The following CERT1 variants were observed in gnomAD, a reference collection of about 807,000 sequenced individuals.
The protein encoded by CERT1 is ceramide transfer protein.
In CERT1, 31 loss-of-function variants were observed where a neutral mutation model predicts 87.9. That is an observed-to-expected ratio of 0.35 (90% confidence interval 0.27 to 0.48). The LOEUF (loss-of-function observed/expected upper bound fraction) is 0.48, where lower values mean the gene tolerates loss of function less well. Ranked by LOEUF, CERT1 falls within the 20% of genes least tolerant of loss-of-function variation. CERT1 has a pLI of 0.99. For missense variants in CERT1, 487 were observed against 758.0 expected (o/e 0.64, Z 4.20); for synonymous variants, 289 against 250.9 (o/e 1.15, Z -1.44).
At chr5:75,386,192 G>A in intron 12 of CERT1, 158 bp from the exon 13 acceptor site, 1 of 497,424 alleles carries the variant, frequency 2.0e-6, no homozygotes, top group Non-Finnish European at 3.2e-6. Context: ...CAAATTAACA[G>A]ACAAAAAAGT....
In CERT1 at chr5:75,434,517, G is replaced by GGA. The variant is rs36104420; in HGVS notation, c.349-8041_349-8040dup. The stretch of plus-strand genomic sequence containing the variant: ...TGCTGGCCTCAGAATGAGTTAGGGA[G>GGA]GAATATGTACTCCTTAATTTTTTCC... On this transcript the variant is annotated intron_variant, in intron 3 of 16. Transcript: ENST00000643780. Among the ~76,000 whole-genome samples the GGA allele has an allele frequency of 2.8e-3, 427 of 152,138 alleles. 9 individuals carry two copies. Among genetic ancestry groups the GGA allele is most frequent in the Admixed American group, 0.022 (333 of 15,286 alleles).
intron 3 of CERT1, among the ~76,000 whole-genome samples, chr5:75,445,443 G>A (rs902028810): frequency 2.0e-5 from 3 of 152,148 alleles, no homozygotes; most frequent in Admixed American, 6.5e-5. Flanking sequence ...ATTTGGGCGT[G>A]TTTAAATTTC....
chr5:75,442,519 C>T (rs553439981), intron 3 of CERT1, among the ~76,000 whole-genome samples: 14 of 152,340 alleles, frequency 9.2e-5, no homozygotes, highest in Admixed American at 5.9e-4. Flanking sequence ...CTGTGCCCAG[C>T]CTTTCTGATT....
chr5:75,443,862 C>T (rs546192919), intron 3 of CERT1, among the ~76,000 whole-genome samples: 1 of 152,204 alleles, frequency 6.6e-6, no homozygotes, highest in African/African-American at 2.4e-5. Context: ...AGTCTTCTTG[C>T]TGCAGTGAAC....
intron 8 of CERT1, among the ~76,000 whole-genome samples, chr5:75,404,662 A>T (rs1762634024): frequency 6.6e-6 from 1 of 152,194 alleles, no homozygotes; most frequent in African/African-American, 2.4e-5. Flanking sequence ...GTGGATTTCT[A>T]GTCCTTAAGC....
At position 75,453,411 on chromosome 5, in the gene CERT1, A is replaced by C. The variant is rs1377480189; in HGVS notation, c.348+5654T>G. 2.0e-5 allele frequency among the ~76,000 whole-genome samples: 3 copies of C among 152,190 alleles called. No individual in the cohort carries two copies. The East Asian group carries it at 5.8e-4, about 29-fold the overall frequency. ...TGGTCTAAATAATATAGATATGAGG[A>C]ACAAACAGAAAATACAAGAATACTG... is the stretch of plus-strand genomic sequence containing the variant. On this transcript the variant is annotated intron_variant, in intron 3 of 16. Coordinates refer to ENST00000643780, the MANE Select transcript of CERT1 (RefSeq NM_001379029.1).
At chr5:75,495,277 C>G (rs1020233010) in intron 2 of CERT1, among the ~76,000 whole-genome samples, 1 of 152,150 alleles carries the variant, frequency 6.6e-6, no homozygotes, top group Non-Finnish European at 1.5e-5. Flanking sequence ...AAAGACATGA[C>G]CAGGTGCAGT....
At chr5:75,413,018 T>C (rs1561244790) in intron 7 of CERT1, among the ~76,000 whole-genome samples, 1 of 152,204 alleles carries the variant, frequency 6.6e-6, no homozygotes, top group Non-Finnish European at 1.5e-5. Flanking sequence ...ACATAAACAT[T>C]GTACAGCAGC....
intron 8 of CERT1, among the ~76,000 whole-genome samples, chr5:75,406,948 A>T (rs1334845454): frequency 6.6e-6 from 1 of 152,164 alleles, no homozygotes; most frequent in Non-Finnish European, 1.5e-5. Flanking sequence ...GAACATCATG[A>T]ATGTCTGATT....
intron 2 of CERT1, among the ~76,000 whole-genome samples, chr5:75,483,115 T>C (rs1245566573): frequency 6.6e-6 from 1 of 152,200 alleles, no homozygotes; most frequent in Non-Finnish European, 1.5e-5. Flanking sequence ...AATAGCTATT[T>C]TGAGTTAGCT....
At chr5:75,479,657 T>TTTACC (rs1766134824) in intron 2 of CERT1, among the ~76,000 whole-genome samples, 1 of 152,244 alleles carries the variant, frequency 6.6e-6, no homozygotes, top group Non-Finnish European at 1.5e-5. Flanking sequence ...CCATGGTGTC[T>TTTACC]ATGTACCACA....
intron 8 of CERT1, among the ~76,000 whole-genome samples, chr5:75,403,826 C>T (rs1762599725): frequency 6.6e-6 from 1 of 152,248 alleles, no homozygotes; most frequent in Non-Finnish European, 1.5e-5. Flanking sequence ...TTCAGTGGAA[C>T]CTTGGAATAT....
Position 75,436,683 on chromosome 5 carries a change from AC to A in CERT1, c.349-10206del, listed in dbSNP as rs199776260. On this transcript the variant is annotated intron_variant, in intron 3 of 16. Coordinates refer to ENST00000643780, the MANE Select transcript of CERT1 (RefSeq NM_001379029.1). Reference sequence around the variant, plus strand: ...GGAATGTCTTTTGAAATATAATAATACCCCCTACAACTTATAATCCATATTT... The same window carrying A: ...GGAATGTCTTTTGAAATATAATAATACCCCTACAACTTATAATCCATATTT... Among the ~76,000 whole-genome samples the A allele has an allele frequency of 7.4e-3, 1,120 of 152,172 alleles. 8 individuals are homozygous for A. Among genetic ancestry groups the A allele is most frequent in the South Asian group, 0.016 (76 of 4,808 alleles).
At position 75,379,163 on chromosome 5, in the gene CERT1, C is replaced by T. The variant is rs1761450823; in HGVS notation, c.*183G>A. Reference sequence around the variant, plus strand: ...TGTCATTGCACTTCAGCTTAGGAAACAGAGCAAGACCCTGTTTAAAACAAC... The same window carrying T: ...TGTCATTGCACTTCAGCTTAGGAAATAGAGCAAGACCCTGTTTAAAACAAC... On this transcript the variant is annotated 3_prime_UTR_variant, in exon 17 of 17. Coordinates refer to ENST00000643780, the MANE Select transcript of CERT1 (RefSeq NM_001379029.1). The T allele has an allele frequency of 1.8e-6, 1 of 554,376 alleles. No individual in the cohort carries two copies. Among genetic ancestry groups the T allele is most frequent in the South Asian group, 2.6e-5 (1 of 38,540 alleles). 34.3% of individuals were successfully genotyped at this position (554,376 alleles called of 1,614,324 possible). A position where few individuals can be genotyped will look rare whatever the true frequency, so the allele number is the denominator to read the frequency against.
chr5:75,410,197 TATA>T (rs1762872555), intron 8 of CERT1, among the ~76,000 whole-genome samples: 1 of 152,204 alleles, frequency 6.6e-6, no homozygotes, highest in Non-Finnish European at 1.5e-5. Context: ...TATGTGTGTA[TATA>T]CATGTGAAGG....
chr5:75,473,874 T>TA (rs1241436937), intron 2 of CERT1, among the ~76,000 whole-genome samples: 1 of 152,152 alleles, frequency 6.6e-6, no homozygotes, highest in African/African-American at 2.4e-5. Flanking sequence ...TTAATTTTTT[T>TA]AAAATGTAAA....
chr5:75,494,109 A>G (rs963164585), intron 2 of CERT1, among the ~76,000 whole-genome samples: 4 of 152,068 alleles, frequency 2.6e-5, no homozygotes, highest in African/African-American at 9.7e-5. Context: ...GATCTCTTTC[A>G]TATTGGAAAC....
intron 2 of CERT1, 90 bp from the exon 3 acceptor site, chr5:75,459,271 CTGTGCTGGTGGGAGACT>C: frequency 1.4e-6 from 1 of 733,772 alleles, no homozygotes; most frequent in Non-Finnish European, 2.5e-6. Context: ...CATACTCATT[CTGTGCTGGTGGGAGACT>C]TGTTACTTTT....
chr5:75,464,326 C>T (rs1233879901), intron 2 of CERT1, among the ~76,000 whole-genome samples: 1 of 149,966 alleles, frequency 6.7e-6, no homozygotes, highest in Admixed American at 6.6e-5. Context: ...ACCCCACATG[C>T]CCATCCCAAG....
Sources: gnomAD v4.1 joint callset for allele counts (sites outside exome capture counted in the v4.1 genomes callset) on GRCh38, gnomAD v4.1.1 for gene constraint, MANE v1.5 for transcripts, NCBI Gene and HGNC (gene_info 2026-07-23, HGNC 2026-07-21) for gene names.